The following RBFOX3 variants were observed in gnomAD, a reference collection of about 807,000 sequenced individuals.
RBFOX3 encodes RNA binding fox-1 homolog 3.
RBFOX3 carries 17 observed loss-of-function variants against 48.7 expected under a neutral mutation model. That is an observed-to-expected ratio of 0.35 (90% CI 0.24 to 0.52). RBFOX3 has a LOEUF of 0.52. Among genes scored for constraint, RBFOX3 ranks in the 20% least tolerant of loss-of-function variants. The pLI, the probability that RBFOX3 is intolerant of heterozygous loss-of-function variation, is 0.94. For synonymous variants in RBFOX3, 212 were observed against 209.5 expected (o/e 1.01, Z -0.10); for missense variants, 382 against 497.5 (o/e 0.77, Z 2.21).
Position 79,142,081 on chromosome 17 carries a change from A to T in RBFOX3, c.-33-26333T>A, listed in dbSNP as rs147727435. 2.7e-3 allele frequency among the ~76,000 whole-genome samples: 413 copies of T among 152,354 alleles called. 2 individuals are homozygous for T. Among genetic ancestry groups the T allele is most frequent in the African/African-American group, 9.4e-3 (391 of 41,578 alleles). ...CTGCTATCCTTTTACGATGCTTTGA[A>T]ACACCGTCTGGATGAAGGGAAATTA... On this transcript the variant is annotated intron_variant, in intron 4 of 14. Coordinates refer to ENST00000693108, the MANE Select transcript of RBFOX3 (RefSeq NM_001350451.2).
chr17:79,248,067 G>T (rs1014792449), intron 3 of RBFOX3, among the ~76,000 whole-genome samples: 1 of 152,238 alleles, frequency 6.6e-6, no homozygotes, highest in Admixed American at 6.5e-5. Flanking sequence ...AGTGAGCTCC[G>T]GTGGGGAGAC....
chr17:79,384,693 C>G (rs950240054), intron 2 of RBFOX3, among the ~76,000 whole-genome samples: 7 of 152,324 alleles, frequency 4.6e-5, no homozygotes, highest in African/African-American at 1.7e-4. Context: ...AGGGGTGAGG[C>G]CCAAGCAGGC....
intron 1 of RBFOX3, among the ~76,000 whole-genome samples, chr17:79,583,931 G>C (rs2093157688): frequency 6.6e-6 from 1 of 152,132 alleles, no homozygotes; most frequent in African/African-American, 2.4e-5. Context: ...TGCCTAGAAA[G>C]CGGACATGGC....
At chr17:79,092,117 A>G (rs2146110532) in intron 14 of RBFOX3, 1 of 985,428 alleles carries the variant, frequency 1.0e-6, no homozygotes, top group Non-Finnish European at 1.2e-6. Flanking sequence ...GGTGCTGGAC[A>G]CTAGGGCCAT....
chr17:79,228,327 G>A (rs1003881204), intron 4 of RBFOX3, among the ~76,000 whole-genome samples: 3 of 152,140 alleles, frequency 2.0e-5, no homozygotes, highest in Non-Finnish European at 4.4e-5. Context: ...GCACCGTGAC[G>A]CCTCCCGCTC....
At chr17:79,329,329 G>T (rs35066066) in intron 2 of RBFOX3, among the ~76,000 whole-genome samples, 14,833 of 152,096 alleles carry the variant, frequency 0.098, 976 homozygotes, top group Middle Eastern at 0.19. Context: ...TGGTCATCCT[G>T]GGGCTCCTAT....
intron 4 of RBFOX3, among the ~76,000 whole-genome samples, chr17:79,131,985 C>T (rs1199799712): frequency 6.6e-6 from 1 of 152,180 alleles, no homozygotes; most frequent in Admixed American, 6.5e-5. Context: ...AATAATGTGG[C>T]TCCATAAATC....
At chr17:79,154,566 T>C (rs2145001025) in intron 4 of RBFOX3, among the ~76,000 whole-genome samples, 1 of 152,302 alleles carries the variant, frequency 6.6e-6, no homozygotes, top group South Asian at 2.1e-4. Flanking sequence ...GAGGTCTGGC[T>C]GAGGGCAGAC....
At chr17:79,376,837 T>C (rs1195806137) in intron 2 of RBFOX3, among the ~76,000 whole-genome samples, 1 of 152,068 alleles carries the variant, frequency 6.6e-6, no homozygotes, top group African/African-American at 2.4e-5. Flanking sequence ...ACAAGGACAA[T>C]CTGGTTTCTC....
intron 1 of RBFOX3, among the ~76,000 whole-genome samples, chr17:79,500,645 C>T (rs1207769487): frequency 1.3e-5 from 2 of 152,096 alleles, no homozygotes; most frequent in African/African-American, 2.4e-5. Flanking sequence ...TTTCCCCATC[C>T]CCCTTCTCCT....
In RBFOX3 at chr17:79,090,561, G is replaced by A. The variant is rs753440779; in HGVS notation, c.*322C>T. On this transcript the variant is annotated 3_prime_UTR_variant, in exon 15 of 15. Transcript: ENST00000693108. ...CTGGATGGAAAACAGAGCCCCCCACGGGTCCCACAAGGGAGGCCCCTTCCC... is the reference window on the plus strand; with the variant it reads ...CTGGATGGAAAACAGAGCCCCCCACAGGTCCCACAAGGGAGGCCCCTTCCC... 155 of 369,404 alleles carry A rather than the reference G, an allele frequency of 4.2e-4. No individual in the cohort carries two copies. Among genetic ancestry groups the A allele is most frequent in the Admixed American group, 6.2e-4 (14 of 22,594 alleles). The allele number at this position is 369,404 out of a possible 1,614,324, so 22.9% of individuals were successfully genotyped here.
Position 79,103,338 on chromosome 17 carries a change from T to G in RBFOX3, c.415-84A>C, listed in dbSNP as rs1286572576. On this transcript the variant is annotated intron_variant, in intron 7 of 14. Transcript: ENST00000693108. The surrounding 1 kb of genome is among the most constrained non-coding windows in gnomAD (Gnocchi z 6.1). ...GGAGGAAGACGAGGAAGAAGAGGAG[T>G]GGGAGGGGGGCAGGGGAGTGGGGAG... 5,422 of 522,998 alleles carry G rather than the reference T, an allele frequency of 0.01. No homozygotes were observed. Among genetic ancestry groups the G allele is most frequent in the South Asian group, 0.023 (860 of 37,054 alleles). 32.4% of individuals were successfully genotyped at this position (522,998 alleles called of 1,614,324 possible). A position where few individuals can be genotyped will look rare whatever the true frequency, so the allele number is the denominator to read the frequency against.
chr17:79,618,185 C>T, the RBFOX3 span, among the ~76,000 whole-genome samples: 2 of 152,116 alleles, frequency 1.3e-5, no homozygotes, highest in African/African-American at 2.4e-5. Context: ...GTTTGGGGAG[C>T]GGCGATAGCC....
At chr17:79,224,098 G>C (rs573459924) in intron 4 of RBFOX3, among the ~76,000 whole-genome samples, 11 of 152,264 alleles carry the variant, frequency 7.2e-5, no homozygotes, top group African/African-American at 2.6e-4. Flanking sequence ...TTCCCAAACA[G>C]TAACATATGG....
rs1244493540 is a variant in RBFOX3, at chr17:79,103,825, C to G, written c.414+248G>C. ...GGGGGTGGGGCCCGGACCTGGGGCC[C>G]AGGGCTCTGGGGTGCAGGCAAGAGG... On this transcript the variant is annotated intron_variant, in intron 7 of 14. Transcript: ENST00000693108. The surrounding 1 kb of genome is among the most constrained non-coding windows in gnomAD (Gnocchi z 6.1). 6.9e-6 allele frequency among the ~76,000 whole-genome samples: 1 copy of G among 145,652 alleles called. No homozygotes were observed. Among genetic ancestry groups the G allele is most frequent in the Non-Finnish European group, 1.5e-5 (1 of 66,758 alleles).
At chr17:79,096,124 C>A (rs2075188641) in intron 12 of RBFOX3, among the ~76,000 whole-genome samples, 1 of 152,174 alleles carries the variant, frequency 6.6e-6, no homozygotes, top group Non-Finnish European at 1.5e-5. Context: ...GGCAGCTGCC[C>A]AGGACTGAAG....
intron 1 of RBFOX3, among the ~76,000 whole-genome samples, chr17:79,510,553 C>T (rs1467220868): frequency 1.3e-5 from 2 of 152,206 alleles, no homozygotes; most frequent in Non-Finnish European, 2.9e-5. Flanking sequence ...TTAACATTCC[C>T]CGTGTAAAGT....
At chr17:79,133,858 C>T (rs530537290) in intron 4 of RBFOX3, among the ~76,000 whole-genome samples, 79 of 152,310 alleles carry the variant, frequency 5.2e-4, no homozygotes, top group African/African-American at 1.5e-3. Context: ...AGAGGAGAAG[C>T]GCTGGCTGTG....
rs1054325578 is a variant in RBFOX3 at position 79,499,641 on chromosome 17, A to C, written c.-319-17043T>G. On this transcript the variant is annotated intron_variant, in intron 1 of 14. Transcript: ENST00000693108. The stretch of plus-strand genomic sequence containing the variant: ...TCAAAATCCTGGCTCCCTTGTCACT[A>C]TCTTCGGGCAAGTTACTTAACCTTT... Among the ~76,000 whole-genome samples, 1,291 of 152,316 alleles carry C rather than the reference A, an allele frequency of 8.5e-3. 14 individuals are homozygous for C. Among genetic ancestry groups the C allele is most frequent in the African/African-American group, 0.029 (1,197 of 41,570 alleles).
Sources: allele counts gnomAD v4.1 joint callset (sites outside exome capture counted in the v4.1 genomes callset), GRCh38; gene constraint gnomAD v4.1.1; non-coding constraint Gnocchi (gnomAD v3.1); transcripts MANE v1.5; gene names NCBI Gene and HGNC (gene_info 2026-07-23, HGNC 2026-07-21).